Variants in NEIL3 observed in about 807,000 individuals in gnomAD.
The protein encoded by NEIL3 is nei like DNA glycosylase 3.
NEIL3 carries 48 observed loss-of-function variants against 57.5 expected under a neutral mutation model. The observed-to-expected ratio is 0.83, with a 90% CI of 0.66 to 1.06. The LOEUF is 1.06. Ranked by LOEUF, NEIL3 falls within the 50% of genes least tolerant of loss-of-function variation. The pLI is 0.00. For synonymous variants in NEIL3, 261 were observed against 253.2 expected (o/e 1.03, Z -0.29); for missense variants, 717 against 739.1 (o/e 0.97, Z 0.35).
In NEIL3 at chr4:177,310,028, C is replaced by T. The variant is rs1578982264; in HGVS notation, c.75C>T (p.Thr25=). 2 of 1,610,258 alleles carry T rather than the reference C, an allele frequency of 1.2e-6. No homozygotes were observed. Among genetic ancestry groups the T allele is most frequent in the Admixed American group, 3.3e-5 (2 of 59,772 alleles). Residue 25 remains threonine, a synonymous_variant, in exon 1 of 10, where the codon ACC becomes ACT. Transcript: ENST00000264596. ...GGGTGCTCCCGGGCCAGGCGGTGAC[C>T]GGCGTGCGGGGAAGCGCTCTGCGGA... ...RARVLPGQAV[T]GVRGSALRSL...
chr4:177,323,529 T>C (rs905792462), intron 2 of NEIL3, among the ~76,000 whole-genome samples: 2 of 152,210 alleles, frequency 1.3e-5, no homozygotes, highest in Non-Finnish European at 2.9e-5. Flanking sequence ...TCTCTTTTCA[T>C]TGTCAGCAGC....
At chr4:177,323,358 C>A (rs1307771246) in intron 2 of NEIL3, among the ~76,000 whole-genome samples, 1 of 152,166 alleles carries the variant, frequency 6.6e-6, no homozygotes, top group African/African-American at 2.4e-5. Flanking sequence ...CAGTTATCAC[C>A]TTTTTCTTAA....
intron 6 of NEIL3, among the ~76,000 whole-genome samples, chr4:177,347,578 G>C (rs1487819175): frequency 6.6e-6 from 1 of 152,160 alleles, no homozygotes; most frequent in East Asian, 1.9e-4. Flanking sequence ...GTGTGGAATA[G>C]AGACGGTCAT....
intron 1 of NEIL3, among the ~76,000 whole-genome samples, chr4:177,314,398 C>A (rs1336803367): frequency 1.3e-5 from 2 of 152,144 alleles, no homozygotes; most frequent in Non-Finnish European, 2.9e-5. Flanking sequence ...TTTTTTGTTA[C>A]TTCCTCGTCT....
intron 8 of NEIL3, among the ~76,000 whole-genome samples, chr4:177,359,615 T>A (rs147368868): frequency 5.9e-5 from 9 of 152,118 alleles, no homozygotes; most frequent in Admixed American, 4.6e-4. Context: ...AACTGTTTTA[T>A]CATTAAAGAG....
chr4:177,356,836 G>GT (rs535905988), intron 8 of NEIL3, among the ~76,000 whole-genome samples: 23 of 152,120 alleles, frequency 1.5e-4, no homozygotes, highest in Non-Finnish European at 3.1e-4. Context: ...ACTAGAAACA[G>GT]TTTAAGTTGT....
rs1003463694 is a variant in NEIL3, at chr4:177,330,767, A to G, written c.279-4921A>G. Among the ~76,000 whole-genome samples, 49 of 152,218 alleles carry G rather than the reference A, an allele frequency of 3.2e-4. 1 individual carries two copies. Among genetic ancestry groups the G allele is most frequent in the African/African-American group, 1.2e-3 (48 of 41,466 alleles). ...TTATTAACCTATACAAAATATTTCA[A>G]CATATAAACAATATAAGCAATTATT... is the stretch of plus-strand genomic sequence containing the variant. On this transcript the variant is annotated intron_variant, in intron 2 of 9. Coordinates refer to ENST00000264596, the MANE Select transcript of NEIL3 (RefSeq NM_018248.3).
chr4:177,341,760 G>T, intron 6 of NEIL3, 118 bp downstream of exon 6: 1 of 856,938 alleles, frequency 1.2e-6, no homozygotes, highest in Non-Finnish European at 1.7e-6. Flanking sequence ...TGACTCAAAA[G>T]TATTTTAGTC....
At chr4:177,350,834 G>A (rs28709992) in intron 6 of NEIL3, among the ~76,000 whole-genome samples, 4,150 of 151,934 alleles carry the variant, frequency 0.027, 167 homozygotes, top group African/African-American at 0.082. Flanking sequence ...AAAGCTACTC[G>A]ATTATTTGAC....
chr4:177,355,311 C>T (rs928613853), intron 8 of NEIL3, among the ~76,000 whole-genome samples: 3 of 152,112 alleles, frequency 2.0e-5, no homozygotes, highest in Non-Finnish European at 4.4e-5. Flanking sequence ...GGGATTTGTT[C>T]CAGGACCCCC....
chr4:177,345,672 C>A (rs1004293200), intron 6 of NEIL3, among the ~76,000 whole-genome samples: 1 of 145,162 alleles, frequency 6.9e-6, no homozygotes, highest in Non-Finnish European at 1.5e-5. Flanking sequence ...TGAGCCACCA[C>A]GCCTGGCTTT....
At chr4:177,347,923 T>C (rs542183990) in intron 6 of NEIL3, among the ~76,000 whole-genome samples, 4 of 152,228 alleles carry the variant, frequency 2.6e-5, no homozygotes, top group Non-Finnish European at 5.9e-5. Flanking sequence ...TGTTCCTTTA[T>C]GTTTTTGGCT....
chr4:177,338,665 G>A (rs2110909735), intron 4 of NEIL3, among the ~76,000 whole-genome samples: 1 of 152,306 alleles, frequency 6.6e-6, no homozygotes, highest in South Asian at 2.1e-4. Flanking sequence ...TGAGATTTAT[G>A]TTAGGCTGTG....
chr4:177,353,882 C>T (rs1735418434), intron 8 of NEIL3, 154 bp downstream of exon 8: 1 of 653,962 alleles, frequency 1.5e-6, no homozygotes, highest in Non-Finnish European at 2.6e-6. Flanking sequence ...TCTCCTGCCT[C>T]AGCCTCCCAA....
chr4:177,367,866 A>G (rs967993382), downstream of NEIL3, among the ~76,000 whole-genome samples: 3 of 152,180 alleles, frequency 2.0e-5, no homozygotes, highest in African/African-American at 7.2e-5. Flanking sequence ...GCCACAGATC[A>G]CTTCACTTAA....
At chr4:177,358,894 A>T (rs1389756843) in intron 8 of NEIL3, among the ~76,000 whole-genome samples, 1 of 152,240 alleles carries the variant, frequency 6.6e-6, no homozygotes, top group African/African-American at 2.4e-5. Context: ...CACAATTTTT[A>T]ATAAGAATGC....
At position 177,359,627 on chromosome 4, in the gene NEIL3, TA is replaced by T. The variant is rs35953404; in HGVS notation, c.1461-867del. Among the ~76,000 whole-genome samples the T allele has an allele frequency of 7.9e-4, 120 of 151,080 alleles. 2 individuals are homozygous for T. Among genetic ancestry groups the T allele is most frequent in the African/African-American group, 2.2e-3 (89 of 41,264 alleles). ...ATTAACTGTTTTATCATTAAAGAGT[TA>T]AAAAAAAATAGGAATATTAAGAGGG... On this transcript the variant is annotated intron_variant, in intron 8 of 9. Transcript: ENST00000264596.
intron 2 of NEIL3, 103 bp from the exon 3 acceptor site, chr4:177,335,585 A>G: frequency 9.9e-7 from 1 of 1,015,002 alleles, no homozygotes; most frequent in African/African-American, 1.7e-5. Flanking sequence ...ATCCTGACTA[A>G]CATTTGTTTG....
At chr4:177,315,723 A>C (rs1474836134) in intron 1 of NEIL3, among the ~76,000 whole-genome samples, 1 of 152,198 alleles carries the variant, frequency 6.6e-6, no homozygotes, top group East Asian at 1.9e-4. Flanking sequence ...AGTATACCAG[A>C]ATTTTACCTT....
Sources: allele counts gnomAD v4.1 joint callset (sites outside exome capture counted in the v4.1 genomes callset), GRCh38; gene constraint gnomAD v4.1.1; transcripts MANE v1.5; gene names NCBI Gene and HGNC (gene_info 2026-07-23, HGNC 2026-07-21).